The following HHAT variants were observed in gnomAD, a reference collection of about 807,000 sequenced individuals.
The protein encoded by HHAT is protein-cysteine N-palmitoyltransferase HHAT.
HHAT carries 47 observed loss-of-function variants against 70.8 expected under a neutral mutation model. The ratio of observed to expected loss-of-function variants is 0.66; its 90% CI spans 0.53 to 0.85. HHAT has a LOEUF of 0.85. Ranked by LOEUF, HHAT falls within the 40% of genes least tolerant of loss-of-function variation. The pLI is 0.00. For synonymous variants in HHAT, 228 were observed against 247.6 expected (o/e 0.92, Z 0.74); for missense variants, 609 against 604.8 (o/e 1.01, Z -0.07).
At position 210,383,850 on chromosome 1, in the gene HHAT, G is replaced by A. The variant is rs142289998; in HGVS notation, c.160-3618G>A. Among the ~76,000 whole-genome samples the A allele has an allele frequency of 3.7e-3, 568 of 152,348 alleles. 6 individuals are homozygous for A. The highest frequency in any genetic ancestry group is 0.013 in the African/African-American group (521 of 41,574). ...CTGTAATTAGAAAACACATACTCGA[G>A]TGTTCATCAGTGACTGGGAAGAAAG... On this transcript the variant is annotated intron_variant, in intron 3 of 11. Coordinates refer to ENST00000261458, the MANE Select transcript of HHAT (RefSeq NM_018194.6).
intron 8 of HHAT, among the ~76,000 whole-genome samples, chr1:210,484,236 G>A (rs1053434560): frequency 5.9e-5 from 9 of 152,138 alleles, no homozygotes; most frequent in African/African-American, 1.9e-4. Flanking sequence ...GAAAATGTCC[G>A]TAGCCTTTTT....
chr1:210,435,993 T>C (rs1276954578), intron 7 of HHAT, among the ~76,000 whole-genome samples: 1 of 151,902 alleles, frequency 6.6e-6, no homozygotes, highest in African/African-American at 2.4e-5. Context: ...ATTTTTCCTT[T>C]TGTTGCCTGT....
chr1:210,578,674 C>T (rs887775154), intron 9 of HHAT, among the ~76,000 whole-genome samples: 1 of 152,080 alleles, frequency 6.6e-6, no homozygotes, highest in African/African-American at 2.4e-5. Context: ...GTTGCAACAT[C>T]GTGAATGAAC....
At chr1:210,515,724 C>T (rs1187520448) in intron 9 of HHAT, among the ~76,000 whole-genome samples, 1 of 147,310 alleles carries the variant, frequency 6.8e-6, no homozygotes, top group East Asian at 2.0e-4. Flanking sequence ...CGCCACTGCA[C>T]TCCAGCCTGG....
chr1:210,622,970 C>T (rs1669141119), intron 10 of HHAT, among the ~76,000 whole-genome samples: 1 of 152,210 alleles, frequency 6.6e-6, no homozygotes, highest in Non-Finnish European at 1.5e-5. Context: ...GCTTGTATTC[C>T]ACATGTCAGA....
chr1:210,373,955 A>G (rs578091862), intron 3 of HHAT, among the ~76,000 whole-genome samples: 1 of 152,338 alleles, frequency 6.6e-6, no homozygotes, highest in Non-Finnish European at 1.5e-5. Flanking sequence ...GTTGCTAATT[A>G]GCAAGTCAGA....
chr1:210,412,036 C>T (rs1024148454), intron 6 of HHAT, among the ~76,000 whole-genome samples: 1 of 152,144 alleles, frequency 6.6e-6, no homozygotes, highest in African/African-American at 2.4e-5. Context: ...CTGGTAAGGG[C>T]CTGCTTCCTG....
intron 7 of HHAT, among the ~76,000 whole-genome samples, chr1:210,421,774 T>G (rs368162782): frequency 6.6e-6 from 1 of 152,182 alleles, no homozygotes; most frequent in African/African-American, 2.4e-5. Context: ...AAATAACTGT[T>G]AACTTTTGCC....
intron 8 of HHAT, among the ~76,000 whole-genome samples, chr1:210,509,846 T>C (rs935974738): frequency 6.6e-6 from 1 of 152,194 alleles, no homozygotes; most frequent in Non-Finnish European, 1.5e-5. Context: ...CTTGTAGTCA[T>C]TGCAAAGGCT....
At chr1:210,593,992 T>C (rs1281564278) in intron 10 of HHAT, among the ~76,000 whole-genome samples, 1 of 152,146 alleles carries the variant, frequency 6.6e-6, no homozygotes, top group Non-Finnish European at 1.5e-5. Flanking sequence ...GCTGCTGATG[T>C]TCTTTTTTGG....
intron 6 of HHAT, among the ~76,000 whole-genome samples, chr1:210,408,011 G>T (rs2092399523): frequency 6.6e-6 from 1 of 152,104 alleles, no homozygotes; most frequent in Non-Finnish European, 1.5e-5. Context: ...TTGAATCCCT[G>T]CTGTGCTTCG....
At chr1:210,569,793 C>A (rs1489934277) in intron 9 of HHAT, among the ~76,000 whole-genome samples, 1 of 152,142 alleles carries the variant, frequency 6.6e-6, no homozygotes, top group East Asian at 1.9e-4. Context: ...CCAGCACATG[C>A]AAGTTGCCTG....
At chr1:210,475,306 G>A (rs954467492) in intron 8 of HHAT, among the ~76,000 whole-genome samples, 1 of 152,148 alleles carries the variant, frequency 6.6e-6, no homozygotes, top group African/African-American at 2.4e-5. Context: ...TACCTTTAAT[G>A]CAGGAACTTC....
chr1:210,370,179 T>G (rs1363242021), intron 3 of HHAT, among the ~76,000 whole-genome samples: 1 of 145,268 alleles, frequency 6.9e-6, no homozygotes, highest in Non-Finnish European at 1.5e-5. Flanking sequence ...TTTTTTTTTT[T>G]TTTTTTTTTT....
chr1:210,376,455 C>T (rs993497798), intron 3 of HHAT, among the ~76,000 whole-genome samples: 19 of 152,062 alleles, frequency 1.2e-4, no homozygotes, highest in African/African-American at 4.6e-4. Context: ...TGAAAGCAGA[C>T]GTCTCTGTGT....
At chr1:210,652,360 A>G (rs891224295) in intron 11 of HHAT, among the ~76,000 whole-genome samples, 1 of 152,200 alleles carries the variant, frequency 6.6e-6, no homozygotes, top group African/African-American at 2.4e-5. Context: ...TGCAGAGATT[A>G]TGATGCCAGT....
chr1:210,479,236 T>C (rs2094353851), intron 8 of HHAT, among the ~76,000 whole-genome samples: 1 of 152,232 alleles, frequency 6.6e-6, no homozygotes. Context: ...CCTCTCAGAA[T>C]GAATTGTACC....
chr1:210,662,634 T>C (rs965313043), intron 11 of HHAT, among the ~76,000 whole-genome samples: 2 of 152,072 alleles, frequency 1.3e-5, no homozygotes, highest in African/African-American at 2.4e-5. Context: ...GCAGGTCCCC[T>C]ACCTAGTTGT....
chr1:210,445,922 C>T (rs879604320), intron 7 of HHAT, among the ~76,000 whole-genome samples: 4 of 151,748 alleles, frequency 2.6e-5, no homozygotes, highest in Admixed American at 6.6e-5. Flanking sequence ...ATGTGCACAA[C>T]GTGCAGGTTA....
Sources: allele counts gnomAD v4.1 joint callset (sites outside exome capture counted in the v4.1 genomes callset), GRCh38; gene constraint gnomAD v4.1.1; transcripts MANE v1.5; gene names NCBI Gene and HGNC (gene_info 2026-07-23, HGNC 2026-07-21).